Variants in CACNA1C observed in about 807,000 individuals in gnomAD.
CACNA1C encodes the protein calcium voltage-gated channel subunit alpha1 C, also known as voltage-dependent L-type calcium channel subunit alpha-1C.
In CACNA1C, 30 loss-of-function variants were observed where a neutral mutation model predicts 229.0. The observed-to-expected ratio is 0.13, with a 90% CI of 0.10 to 0.18. The LOEUF is 0.18. CACNA1C is among the 10% of genes least tolerant of loss of function. The probability of loss-of-function intolerance (pLI) is 1.00; values close to 1 mark genes in which losing one functional copy is unlikely to be tolerated. For missense variants in CACNA1C, 1,658 were observed against 2,845.0 expected (o/e 0.58, Z 9.49); for synonymous variants, 1,114 against 1,132.5 (o/e 0.98, Z 0.33).
At chr12:2,643,986 G>T (rs962933020) in intron 30 of CACNA1C, among the ~76,000 whole-genome samples, 1 of 152,206 alleles carries the variant, frequency 6.6e-6, no homozygotes, top group African/African-American at 2.4e-5. Flanking sequence ...CGGAGCATGG[G>T]GAGGGGGTAC....
intron 3 of CACNA1C, among the ~76,000 whole-genome samples, chr12:2,252,891 A>G (rs974962422): frequency 1.4e-5 from 2 of 147,090 alleles, no homozygotes; most frequent in African/African-American, 5.1e-5. Context: ...AGTCTTTCCC[A>G]TACATTCGAG....
intron 5 of CACNA1C, among the ~76,000 whole-genome samples, chr12:2,481,972 C>T (rs1345666945): frequency 6.6e-6 from 1 of 152,244 alleles, no homozygotes; most frequent in Non-Finnish European, 1.5e-5. Context: ...TCTGAGAACA[C>T]TTGGGTGGAG....
intron 3 of CACNA1C, among the ~76,000 whole-genome samples, chr12:2,198,591 G>C (rs561163610): frequency 5.9e-5 from 9 of 152,190 alleles, no homozygotes; most frequent in Non-Finnish European, 1.3e-4. Flanking sequence ...AGGCTTGGAG[G>C]AAAAGGCAAA....
chr12:2,239,402 C>G lies in CACNA1C; in HGVS notation c.477+118972C>G, dbSNP rs541529325. 2.8e-4 allele frequency among the ~76,000 whole-genome samples: 43 copies of G among 152,132 alleles called. No individual in the cohort carries two copies. In the South Asian group the frequency reaches 8.5e-3, roughly 30 times the overall value. Reference sequence around the variant, plus strand: ...CTCGTAAGGCTCTTGGTGGGAGACACAGCTGGGGCACTGCTGGAGGAAGGG... The same window carrying G: ...CTCGTAAGGCTCTTGGTGGGAGACAGAGCTGGGGCACTGCTGGAGGAAGGG... On this transcript the variant is annotated intron_variant, in intron 3 of 46. Coordinates refer to ENST00000399655, the MANE Select transcript of CACNA1C (RefSeq NM_000719.7).
intron 4 of CACNA1C, among the ~76,000 whole-genome samples, chr12:2,449,486 C>T (rs1596553024): frequency 6.6e-6 from 1 of 152,338 alleles, no homozygotes; most frequent in East Asian, 1.9e-4. Context: ...GGACCCCTCC[C>T]CACCTGGCTG....
intron 9 of CACNA1C, among the ~76,000 whole-genome samples, chr12:2,529,924 A>C (rs1261584998): frequency 6.6e-6 from 1 of 152,260 alleles, no homozygotes; most frequent in Non-Finnish European, 1.5e-5. Context: ...TTACAACTAG[A>C]AAGCTGAATA....
intron 10 of CACNA1C, among the ~76,000 whole-genome samples, chr12:2,554,720 C>T (rs1199404419): frequency 5.3e-5 from 8 of 152,206 alleles, no homozygotes; most frequent in Admixed American, 2.6e-4. Context: ...CTATCATTAA[C>T]GCCAAGGTGT....
At chr12:2,224,544 A>G (rs2154354196) in intron 3 of CACNA1C, among the ~76,000 whole-genome samples, 1 of 152,278 alleles carries the variant, frequency 6.6e-6, no homozygotes, top group East Asian at 1.9e-4. Flanking sequence ...GGTCAGCTGC[A>G]TTGCATGTTA....
intron 3 of CACNA1C, among the ~76,000 whole-genome samples, chr12:2,389,154 G>A (rs2098443682): frequency 1.3e-5 from 2 of 152,244 alleles, no homozygotes; most frequent in Middle Eastern, 6.8e-3. Flanking sequence ...GGAAGCTAAG[G>A]AAGATGGTGT....
intron 1 of CACNA1C, among the ~76,000 whole-genome samples, chr12:2,076,248 C>T (rs1427054620): frequency 2.6e-5 from 4 of 152,146 alleles, no homozygotes; most frequent in African/African-American, 4.8e-5. Flanking sequence ...GCAACCCACC[C>T]GCAGACGTAA....
chr12:2,680,374 G>A, intron 42 of CACNA1C: 1 of 1,554,246 alleles, frequency 6.4e-7, no homozygotes, highest in Non-Finnish European at 8.7e-7. Context: ...ATGCACTGCT[G>A]TGACATGCTG....
Position 2,401,947 on chromosome 12 carries a change from G to A in CACNA1C, c.478-47029G>A, listed in dbSNP as rs898868222. 1.1e-4 allele frequency among the ~76,000 whole-genome samples: 16 copies of A among 152,312 alleles called. No individual in the cohort carries two copies. The East Asian group carries it at 3.1e-3, about 29-fold the overall frequency. On this transcript the variant is annotated intron_variant, in intron 3 of 46. Transcript: ENST00000399655. ...GTTACTTAAGGAAGGCTCTAGATATGGCATGAGCCTCTGACAATGGGATGA... is the reference window on the plus strand; with the variant it reads ...GTTACTTAAGGAAGGCTCTAGATATAGCATGAGCCTCTGACAATGGGATGA...
chr12:1,982,957 T>C (rs192154613), intron 1 of CACNA1C, among the ~76,000 whole-genome samples: 5 of 152,236 alleles, frequency 3.3e-5, no homozygotes, highest in Admixed American at 2.6e-4. Context: ...TTCCTTATTA[T>C]GGGACTATTC....
chr12:2,308,121 C>T (rs1483618370), intron 3 of CACNA1C, among the ~76,000 whole-genome samples: 1 of 152,142 alleles, frequency 6.6e-6, no homozygotes, highest in African/African-American at 2.4e-5. Context: ...CACTCAAACA[C>T]CCACATGCTA....
At chr12:2,037,723 T>G (rs73044434) in intron 1 of CACNA1C, among the ~76,000 whole-genome samples, 7,710 of 152,318 alleles carry the variant, frequency 0.051, 269 homozygotes, top group Middle Eastern at 0.078. Flanking sequence ...AAGATACTTG[T>G]GCCTTCTATA....
At position 2,694,715 on chromosome 12, in the gene CACNA1C, C is replaced by A. The variant is rs895506865; in HGVS notation, c.*3516C>A. 2 of 152,244 alleles carry A rather than the reference C, an allele frequency of 1.3e-5. No homozygotes were observed. Among genetic ancestry groups the A allele is most frequent in the Non-Finnish European group, 2.9e-5 (2 of 68,052 alleles). 9.4% of individuals were successfully genotyped at this position (152,244 alleles called of 1,614,324 possible). On this transcript the variant is annotated 3_prime_UTR_variant, in exon 47 of 47. Coordinates refer to ENST00000399655, the MANE Select transcript of CACNA1C (RefSeq NM_000719.7). ...TGTCTCCTGCCCATGCAGCTGAAGA[C>A]AGTGGGGCAACCTCAGGAGAAGCAG...
intron 1 of CACNA1C, among the ~76,000 whole-genome samples, chr12:2,007,437 A>G (rs1307500050): frequency 1.3e-5 from 2 of 152,250 alleles, no homozygotes; most frequent in African/African-American, 4.8e-5. Context: ...AGTGATCTGT[A>G]TGACTACAAT....
At chr12:2,304,602 C>T (rs1009914298) in intron 3 of CACNA1C, among the ~76,000 whole-genome samples, 1 of 151,546 alleles carries the variant, frequency 6.6e-6, no homozygotes, top group Admixed American at 6.6e-5. Context: ...GGGCAGGCAG[C>T]CCCTGCCTCC....
chr12:2,236,348 A>G (rs1365926403), intron 3 of CACNA1C, among the ~76,000 whole-genome samples: 4 of 152,218 alleles, frequency 2.6e-5, no homozygotes, highest in African/African-American at 4.8e-5. Flanking sequence ...GTAGACTACT[A>G]TCATGCCTGT....
Sources: gnomAD v4.1 joint callset for allele counts (sites outside exome capture counted in the v4.1 genomes callset) on GRCh38, gnomAD v4.1.1 for gene constraint, MANE v1.5 for transcripts, NCBI Gene and HGNC (gene_info 2026-07-23, HGNC 2026-07-21) for gene names.